The following PARP1 variants were observed in gnomAD, a reference collection of about 807,000 sequenced individuals.
PARP1 encodes the protein poly [ADP-ribose] polymerase 1.
PARP1 carries 44 observed loss-of-function variants against 118.7 expected under a neutral mutation model. The observed-to-expected ratio is 0.37, with a 90% CI of 0.29 to 0.48. PARP1 has a LOEUF of 0.48. PARP1 is among the 20% of genes least tolerant of loss of function. The pLI is 0.99. For missense variants in PARP1, 1,100 were observed against 1,272.4 expected (o/e 0.86, Z 2.06); for synonymous variants, 492 against 483.2 (o/e 1.02, Z -0.24).
intron 19 of PARP1, among the ~76,000 whole-genome samples, chr1:226,364,693 C>T (rs559517673): frequency 1.6e-4 from 24 of 152,316 alleles, no homozygotes; most frequent in East Asian, 1.4e-3. Flanking sequence ...AGAGGTGGCC[C>T]GGCTGGGAAG....
At chr1:226,365,233 C>A in intron 18 of PARP1, 79 bp from the exon 19 acceptor site, 9 of 1,471,422 alleles carry the variant, frequency 6.1e-6, no homozygotes, top group Non-Finnish European at 7.6e-6. Flanking sequence ...GGACTGGATA[C>A]ACGAGAAATG....
intron 8 of PARP1, among the ~76,000 whole-genome samples, chr1:226,382,035 G>A (rs1312316892): frequency 2.0e-5 from 3 of 152,166 alleles, no homozygotes; most frequent in African/African-American, 7.2e-5. Context: ...TGGGCACCTG[G>A]ACCCAGGCTG....
intron 2 of PARP1, among the ~76,000 whole-genome samples, chr1:226,398,686 G>A (rs1356237552): frequency 6.6e-6 from 1 of 152,172 alleles, no homozygotes; most frequent in Non-Finnish European, 1.5e-5. Context: ...CTATTGGAAT[G>A]GCCAAAATCC....
chr1:226,362,587 T>C (rs373740632), intron 21 of PARP1, among the ~76,000 whole-genome samples: 2 of 152,222 alleles, frequency 1.3e-5, no homozygotes, highest in South Asian at 2.1e-4. Flanking sequence ...TTCGGCTCAA[T>C]AGAATTTCAA....
intron 1 of PARP1, among the ~76,000 whole-genome samples, chr1:226,406,437 T>C (rs1205711735): frequency 6.6e-6 from 1 of 152,188 alleles, no homozygotes; most frequent in Non-Finnish European, 1.5e-5. Context: ...CTCTTCAAAT[T>C]GTAGGCCCTG....
At position 226,364,077 on chromosome 1, in the gene PARP1, G is replaced by T; in HGVS notation, c.2659-7C>A. The T allele has an allele frequency of 6.2e-7, 1 of 1,613,778 alleles. No individual in the cohort carries two copies. The highest frequency in any genetic ancestry group is 1.1e-5 in the South Asian group (1 of 91,070). ...TACCAAACATGTAGCCTGTCTGGAAGGTCGGAAAAGGGAGAGCTGAGAATC... is the reference window on the plus strand; with the variant it reads ...TACCAAACATGTAGCCTGTCTGGAATGTCGGAAAAGGGAGAGCTGAGAATC... On this transcript the variant is annotated splice_region_variant and splice_polypyrimidine_tract_variant and intron_variant, in intron 19 of 22. Coordinates refer to ENST00000366794, the MANE Select transcript of PARP1 (RefSeq NM_001618.4).
chr1:226,376,464 T>C (rs1237668043), intron 13 of PARP1, among the ~76,000 whole-genome samples: 1 of 152,216 alleles, frequency 6.6e-6, no homozygotes, highest in Non-Finnish European at 1.5e-5. Flanking sequence ...AATTCTGTCA[T>C]GACAGACCAG....
chr1:226,361,412 G>C lies in PARP1; in HGVS notation c.*48C>G. 7.7e-7 allele frequency: 1 copy of C among 1,300,268 alleles called. No individual in the cohort carries two copies. Among genetic ancestry groups the C allele is most frequent in the Non-Finnish European group, 1.1e-6 (1 of 896,388 alleles). 80.5% of individuals were successfully genotyped at this position (1,300,268 alleles called of 1,614,324 possible). On this transcript the variant is annotated 3_prime_UTR_variant, in exon 23 of 23. Coordinates refer to ENST00000366794, the MANE Select transcript of PARP1 (RefSeq NM_001618.4). ...GTGAGTTGGTGCAGAAGCGCTTCGG[G>C]TGAATTCATACCAGAGCCACCGGGT...
At chr1:226,394,105 C>G (rs1006384942) in intron 2 of PARP1, among the ~76,000 whole-genome samples, 1 of 149,860 alleles carries the variant, frequency 6.7e-6, no homozygotes, top group Non-Finnish European at 1.5e-5. Flanking sequence ...TCCCAGCACT[C>G]TGCGAGGATG....
intron 2 of PARP1, among the ~76,000 whole-genome samples, chr1:226,394,237 C>T (rs1379337643): frequency 2.6e-5 from 4 of 152,176 alleles, no homozygotes; most frequent in African/African-American, 7.2e-5. Context: ...CACGCCTGTA[C>T]TCCTAGCTAC....
intron 7 of PARP1, 34 bp downstream of exon 7, chr1:226,385,470 C>G (rs1156700713): frequency 6.2e-7 from 1 of 1,605,698 alleles, no homozygotes; most frequent in African/African-American, 1.3e-5. Context: ...GGTTTTTCTC[C>G]CAACAGATCC....
intron 19 of PARP1, chr1:226,364,335 A>G: frequency 2.3e-6 from 1 of 427,260 alleles, no homozygotes; most frequent in Non-Finnish European, 4.4e-6. Context: ...AATGGGGAAC[A>G]CAGTCTCATG....
At position 226,385,074 on chromosome 1, in the gene PARP1, C is replaced by T. The variant is rs1055429353; in HGVS notation, c.1011+430G>A. Among the ~76,000 whole-genome samples, 11 of 152,248 alleles carry T rather than the reference C, an allele frequency of 7.2e-5. 1 individual carries two copies. The highest frequency in any genetic ancestry group is 2.4e-4 in the African/African-American group (10 of 41,538). On this transcript the variant is annotated intron_variant, in intron 7 of 22. Transcript: ENST00000366794. ...GCAGTTCCATTAAAAAAAGAGAGAA[C>T]GTGCGATACTAGGAGATACGTGAAC...
chr1:226,398,102 T>C (rs1664961790), intron 2 of PARP1, among the ~76,000 whole-genome samples: 1 of 112,176 alleles, frequency 8.9e-6, no homozygotes, highest in Admixed American at 9.6e-5. Flanking sequence ...TGACCTTGGG[T>C]CTGGTGATGA....
At chr1:226,397,903 A>G (rs1664955466) in intron 2 of PARP1, among the ~76,000 whole-genome samples, 1 of 152,058 alleles carries the variant, frequency 6.6e-6, no homozygotes, top group Non-Finnish European at 1.5e-5. Context: ...AAAGGCAAAA[A>G]TGGAGAAAAG....
At chr1:226,379,543 C>G in intron 11 of PARP1, 30 bp downstream of exon 11, 1 of 1,580,922 alleles carries the variant, frequency 6.3e-7, no homozygotes, top group Non-Finnish European at 8.7e-7. Flanking sequence ...GGCGGCACAG[C>G]CCACTTTGCT....
At chr1:226,368,653 AT>A (rs1335839532) in intron 15 of PARP1, among the ~76,000 whole-genome samples, 1 of 152,224 alleles carries the variant, frequency 6.6e-6, no homozygotes, top group Non-Finnish European at 1.5e-5. Flanking sequence ...GCTAATGACT[AT>A]TGCTGTAAAA....
Position 226,365,989 on chromosome 1 carries a change from T to C in PARP1, c.2470A>G (p.Thr824Ala), listed in dbSNP as rs149375401. The C allele has an allele frequency of 2.5e-5, 40 of 1,613,190 alleles. No homozygotes were observed. The African/African-American group carries it at 4.7e-4, about 19-fold the overall frequency. The stretch of plus-strand genomic sequence containing the variant: ...TCCAAGTCATACGCATTGTGTGTGG[T>C]TGCATGAGTGTTCTTAACATACTTC... ...IRKYVKNTHA[T>A]THNAYDLEVI... Residue 824 changes from threonine to alanine, a missense_variant, in exon 18 of 23, where the codon ACC becomes GCC. Physicochemically the swap from Thr to Ala is moderately conservative, Grantham distance 58. Transcript: ENST00000366794.
chr1:226,363,271 AC>A, intron 20 of PARP1, 111 bp from the exon 21 acceptor site: 1 of 805,134 alleles, frequency 1.2e-6, no homozygotes, highest in Non-Finnish European at 2.2e-6. Context: ...AGTCCACAAA[AC>A]CCAGACCATC....
Sources: gnomAD v4.1 joint callset for allele counts (sites outside exome capture counted in the v4.1 genomes callset) on GRCh38, gnomAD v4.1.1 for gene constraint, MANE v1.5 for transcripts, NCBI Gene and HGNC (gene_info 2026-07-23, HGNC 2026-07-21) for gene names.